Variants in ATF6 observed in about 807,000 individuals in gnomAD.
The protein encoded by ATF6 is activating transcription factor 6, also known as cyclic AMP-dependent transcription factor ATF-6 alpha.
A neutral mutation model predicts 83.6 loss-of-function variants in ATF6; 53 were observed. The ratio of observed to expected loss-of-function variants is 0.63; its 90% CI spans 0.51 to 0.80. The LOEUF (loss-of-function observed/expected upper bound fraction) is 0.80. Among genes scored for constraint, ATF6 ranks in the 30% least tolerant of loss-of-function variants. ATF6 has a pLI of 0.00. For missense variants in ATF6, 744 were observed against 797.9 expected, an observed-to-expected ratio of 0.93 and a Z score of 0.81; for synonymous variants, 288 against 285.8, an observed-to-expected ratio of 1.01 and a Z score of -0.08.
chr1:161,955,888 C>T (rs545186054), intron 15 of ATF6, among the ~76,000 whole-genome samples: 3 of 152,186 alleles, frequency 2.0e-5, no homozygotes, highest in East Asian at 1.9e-4. Flanking sequence ...GAAGAGATCC[C>T]GTTCTAAAGC....
rs186956271 is a variant in ATF6, at chr1:161,854,542, G to A, written c.1533+1219G>A. 5.9e-5 allele frequency among the ~76,000 whole-genome samples: 9 copies of A among 152,320 alleles called. No individual in the cohort carries two copies. In the East Asian group the frequency reaches 1.7e-3, roughly 29 times the overall value. On this transcript the variant is annotated intron_variant, in intron 12 of 15. Transcript: ENST00000367942. ...AGGGTTTGGTGAGAACATTGCTTTT[G>A]CCATAGGCAGAAAAGTCACTGAAAT...
At chr1:161,933,977 T>A (rs948029756) in intron 15 of ATF6, among the ~76,000 whole-genome samples, 1 of 152,136 alleles carries the variant, frequency 6.6e-6, no homozygotes, top group Non-Finnish European at 1.5e-5. Context: ...CTCTTCACAA[T>A]ACAGCAGGGA....
chr1:161,954,323 C>A (rs1688924999), intron 15 of ATF6, among the ~76,000 whole-genome samples: 1 of 152,232 alleles, frequency 6.6e-6, no homozygotes, highest in South Asian at 2.1e-4. Flanking sequence ...TATTTATTTA[C>A]CTTCCATGCC....
intron 12 of ATF6, 24 bp from the exon 13 acceptor site, chr1:161,860,183 C>CT (rs575629390): frequency 0.073 from 81,727 of 1,117,270 alleles, 24 homozygotes; most frequent in South Asian, 0.088. Flanking sequence ...CAGTATTAAA[C>CT]TTTTTTTTTT....
At chr1:161,840,980 G>A (rs1260465341) in intron 9 of ATF6, among the ~76,000 whole-genome samples, 2 of 152,134 alleles carry the variant, frequency 1.3e-5, no homozygotes, top group African/African-American at 2.4e-5. Flanking sequence ...TTATGAACTA[G>A]AAACAGTCAC....
At chr1:161,854,377 T>G (rs1018263026) in intron 12 of ATF6, among the ~76,000 whole-genome samples, 2 of 152,230 alleles carry the variant, frequency 1.3e-5, no homozygotes, top group Admixed American at 1.3e-4. Flanking sequence ...AGAAAGAGTT[T>G]GGTGGATTGT....
chr1:161,787,299 T>A (rs751828845), intron 4 of ATF6, among the ~76,000 whole-genome samples: 2 of 152,264 alleles, frequency 1.3e-5, no homozygotes, highest in Non-Finnish European at 2.9e-5. Context: ...TTTGTTAATA[T>A]CTGTATGGAT....
At chr1:161,866,244 A>C (rs1338132704) in intron 14 of ATF6, among the ~76,000 whole-genome samples, 4 of 152,238 alleles carry the variant, frequency 2.6e-5, no homozygotes, top group Non-Finnish European at 4.4e-5. Context: ...AAAATATTTT[A>C]ATATCTAAAG....
intron 9 of ATF6, among the ~76,000 whole-genome samples, chr1:161,838,181 T>C (rs149745903): frequency 1.7e-3 from 262 of 152,332 alleles, no homozygotes; most frequent in African/African-American, 6.0e-3. Context: ...AGAGAGATTG[T>C]ACTCAAATTT....
At chr1:161,818,079 C>T (rs1283204995) in intron 7 of ATF6, among the ~76,000 whole-genome samples, 1 of 118,354 alleles carries the variant, frequency 8.4e-6, no homozygotes, top group Non-Finnish European at 1.7e-5. Flanking sequence ...CCAGCCTGGG[C>T]AACAGAGCAA....
chr1:161,859,652 T>C (rs910946032), intron 12 of ATF6, among the ~76,000 whole-genome samples: 7 of 152,134 alleles, frequency 4.6e-5, no homozygotes, highest in Non-Finnish European at 7.4e-5. Context: ...GCAAAGCAAA[T>C]GCTGTGTGAA....
At chr1:161,881,673 T>C (rs912728614) in intron 14 of ATF6, among the ~76,000 whole-genome samples, 1 of 152,188 alleles carries the variant, frequency 6.6e-6, no homozygotes, top group African/African-American at 2.4e-5. Context: ...GTATTCTATA[T>C]ACAAGTCCTT....
At chr1:161,844,987 G>A (rs990995161) in intron 9 of ATF6, among the ~76,000 whole-genome samples, 1 of 152,148 alleles carries the variant, frequency 6.6e-6, no homozygotes, top group Non-Finnish European at 1.5e-5. Context: ...AGCCTCAGTT[G>A]TAGCAAAATT....
At chr1:161,849,613 C>G (rs964102202) in intron 10 of ATF6, among the ~76,000 whole-genome samples, 1 of 152,110 alleles carries the variant, frequency 6.6e-6, no homozygotes, top group Non-Finnish European at 1.5e-5. Flanking sequence ...GCTGCTGCTT[C>G]ACAGTAATCT....
intron 9 of ATF6, among the ~76,000 whole-genome samples, chr1:161,840,842 T>C (rs1686339662): frequency 6.6e-6 from 1 of 152,202 alleles, no homozygotes; most frequent in African/African-American, 2.4e-5. Context: ...TGGACTAGCA[T>C]GTTTCTGATC....
chr1:161,939,928 A>G (rs1468849054), intron 15 of ATF6, among the ~76,000 whole-genome samples: 1 of 152,204 alleles, frequency 6.6e-6, no homozygotes, highest in Non-Finnish European at 1.5e-5. Context: ...ATTTTGGAGG[A>G]CAGGGAGCAG....
At chr1:161,936,954 T>A (rs571978326) in intron 15 of ATF6, among the ~76,000 whole-genome samples, 2 of 152,088 alleles carry the variant, frequency 1.3e-5, no homozygotes, top group South Asian at 4.2e-4. Flanking sequence ...TGACCCATTT[T>A]GTTTCCTCCC....
chr1:161,778,178 A>C (rs891377617), intron 1 of ATF6, 66 bp from the exon 2 acceptor site: 1 of 1,323,086 alleles, frequency 7.6e-7, no homozygotes, highest in Non-Finnish European at 1.1e-6. Context: ...ATAGGGACAC[A>C]GTGCTTGTTT....
At chr1:161,783,639 CT>C (rs914891048) in intron 3 of ATF6, among the ~76,000 whole-genome samples, 3 of 151,782 alleles carry the variant, frequency 2.0e-5, no homozygotes, top group Admixed American at 2.0e-4. Flanking sequence ...ATGTCTCCTG[CT>C]TTTATTCCTC....
Sources: allele counts gnomAD v4.1 joint callset (sites outside exome capture counted in the v4.1 genomes callset), GRCh38; gene constraint gnomAD v4.1.1; transcripts MANE v1.5; gene names NCBI Gene and HGNC (gene_info 2026-07-23, HGNC 2026-07-21).